PCDHGA4: variants seen among roughly 807,000 people sequenced by gnomAD.
The protein encoded by PCDHGA4 is protocadherin gamma-A4.
Under a neutral mutation model 54.6 loss-of-function variants are expected in PCDHGA4, and 38 were observed. The ratio of observed to expected loss-of-function variants is 0.70; its 90% CI spans 0.54 to 0.91. The LOEUF is 0.91. Among genes scored for constraint, PCDHGA4 ranks in the 40% least tolerant of loss-of-function variants. The pLI, the probability that PCDHGA4 is intolerant of heterozygous loss-of-function variation, is 0.00. For missense variants in PCDHGA4, 1,298 were observed against 1,220.9 expected, an observed-to-expected ratio of 1.06 and a Z score of -0.94; for synonymous variants, 511 against 512.9, an observed-to-expected ratio of 1.00 and a Z score of 0.05.
intron 1 of PCDHGA4, chr5:141,421,935 A>G: frequency 6.2e-7 from 1 of 1,613,514 alleles, no homozygotes; most frequent in East Asian, 2.2e-5. Context: ...TCCTCGATGT[A>G]AATGATCACA....
rs1310725827 is a variant in PCDHGA4, at chr5:141,500,934, T to C, written c.2574-4459T>C. The stretch of plus-strand genomic sequence containing the variant: ...TCCAGGCTGGGGTGCAGTGGCGCCA[T>C]CTCGGCTCACTGCAAGCTCCACCTC... On this transcript the variant is annotated intron_variant, in intron 2 of 3. Transcript: ENST00000571252. 5.9e-5 allele frequency among the ~76,000 whole-genome samples: 9 copies of C among 151,906 alleles called. 1 individual carries two copies. Among genetic ancestry groups the C allele is most frequent in the Non-Finnish European group, 1.3e-4 (9 of 68,020 alleles).
At chr5:141,422,980 C>T in intron 1 of PCDHGA4, 1 of 1,614,232 alleles carries the variant, frequency 6.2e-7, no homozygotes, top group Middle Eastern at 1.7e-4. Flanking sequence ...CTCTGCGGAA[C>T]CTGGCTACCT....
intron 1 of PCDHGA4, among the ~76,000 whole-genome samples, chr5:141,458,876 G>T (rs187470646): frequency 5.0e-4 from 76 of 152,248 alleles, no homozygotes; most frequent in African/African-American, 1.7e-3. Context: ...GGGACTACAG[G>T]CATGCACACC....
At chr5:141,423,707 G>A in intron 1 of PCDHGA4, 1 of 1,164,238 alleles carries the variant, frequency 8.6e-7, no homozygotes, top group Non-Finnish European at 1.1e-6. Flanking sequence ...CTTGGCACAA[G>A]TCTTTTAAGG....
At chr5:141,366,048 C>G (rs777611384) in intron 1 of PCDHGA4, 4 of 1,614,262 alleles carry the variant, frequency 2.5e-6, no homozygotes, top group Middle Eastern at 1.6e-4. Context: ...GACGGTTCCA[C>G]GGGCGTGGAG....
At chr5:141,372,726 C>G (rs748651265) in intron 1 of PCDHGA4, 2 of 1,613,836 alleles carry the variant, frequency 1.2e-6, no homozygotes, top group South Asian at 2.2e-5. Flanking sequence ...TGCTGCACCA[C>G]AAGATCTTCT....
At chr5:141,429,489 A>G (rs2097218567) in intron 1 of PCDHGA4, among the ~76,000 whole-genome samples, 1 of 152,062 alleles carries the variant, frequency 6.6e-6, no homozygotes, top group South Asian at 2.1e-4. Context: ...AGCTGAGACT[A>G]CAGTTGCCTG....
Position 141,431,919 on chromosome 5 carries a change from A to C in PCDHGA4, c.2515-62888A>C, listed in dbSNP as rs2097428718. The C allele has an allele frequency of 7.4e-6, 12 of 1,614,040 alleles. No individual in the cohort carries two copies. Among genetic ancestry groups the C allele is most frequent in the Non-Finnish European group, 1.0e-5 (12 of 1,179,980 alleles). On this transcript the variant is annotated intron_variant, in intron 1 of 3. Transcript: ENST00000571252. This position sits in a 1 kb window ranked among gnomAD's most constrained non-coding sequence, Gnocchi z 4.8. ...AACGGACAGGTGATCTGTTTCATCC[A>C]AGGAAATCTGCCCTTTAAATTAGAA... is the stretch of plus-strand genomic sequence containing the variant.
rs1394652053 is a variant in PCDHGA4, at chr5:141,355,926, C to T, written c.819C>T (p.Phe273=). The T allele has an allele frequency of 3.1e-6, 5 of 1,613,758 alleles. No individual in the cohort carries two copies. Among genetic ancestry groups the T allele is most frequent in the Admixed American group, 1.7e-5 (1 of 59,978 alleles). The change falls in exon 1 of 4, where the codon TTC becomes TTT. Residue 273 remains phenylalanine (F), a synonymous_variant. Coordinates refer to ENST00000571252, the MANE Select transcript of PCDHGA4 (RefSeq NM_018917.4). Reference sequence around the variant, plus strand: ...ATACCAACGATAATGCTCCCGTGTTCACTCAGCCCGAGTACCACGTAAGTG... The same window carrying T: ...ATACCAACGATAATGCTCCCGTGTTTACTCAGCCCGAGTACCACGTAAGTG... The part of the protein sequence containing the change: ...LVDTNDNAPV[F]TQPEYHVSVR...
Position 141,355,386 on chromosome 5 carries a change from CGG to C in PCDHGA4, c.280_281del (p.Gly94SerfsTer8), listed in dbSNP as rs1561508690. Reference sequence around the variant, plus strand: ...TGGCGCCCCGGGAGCTGGCGGAGCGCGGAGTCCGCATCGTCTCCAGAGGTAGG... The same window carrying C: ...TGGCGCCCCGGGAGCTGGCGGAGCGCAGTCCGCATCGTCTCCAGAGGTAGG... ...GLAPRELAER[G>X]VRIVSRGRTQ... On this transcript the variant is annotated frameshift_variant, in exon 1 of 4. Coordinates refer to ENST00000571252, the MANE Select transcript of PCDHGA4 (RefSeq NM_018917.4). LOFTEE classifies it high-confidence loss of function. The C allele has an allele frequency of 6.2e-7, 1 of 1,614,032 alleles. No homozygotes were observed. Among genetic ancestry groups the C allele is most frequent in the East Asian group, 2.2e-5 (1 of 44,880 alleles).
At chr5:141,387,036 C>G (rs1026680473) in intron 1 of PCDHGA4, among the ~76,000 whole-genome samples, 1 of 152,116 alleles carries the variant, frequency 6.6e-6, no homozygotes, top group Non-Finnish European at 1.5e-5. Flanking sequence ...ATTTCATAAC[C>G]AGTAAAATAA....
At chr5:141,420,077 C>A (rs760626443) in intron 1 of PCDHGA4, 1 of 1,613,900 alleles carries the variant, frequency 6.2e-7, no homozygotes, top group Non-Finnish European at 8.5e-7. Context: ...ACCTGTGGGT[C>A]CCCCCAACTA....
chr5:141,364,683 G>A (rs1344688036), intron 1 of PCDHGA4: 6 of 1,613,976 alleles, frequency 3.7e-6, no homozygotes, highest in Non-Finnish European at 5.1e-6. Flanking sequence ...AAAATTTATG[G>A]AGTAGAAGTA....
chr5:141,356,144 A>G lies in PCDHGA4; in HGVS notation c.1037A>G (p.Tyr346Cys). The G allele has an allele frequency of 1.2e-6, 2 of 1,613,620 alleles. No individual in the cohort carries two copies. The highest frequency in any genetic ancestry group is 1.3e-5 in the African/African-American group (1 of 75,054). ...GGLDYEDSGFYDIDVEAHDGP... is the reference protein window; with the variant it reads ...GGLDYEDSGFCDIDVEAHDGP... Reference sequence around the variant, plus strand: ...CTAGATTATGAGGACTCTGGATTCTATGACATAGATGTAGAAGCCCATGAT... The same window carrying G: ...CTAGATTATGAGGACTCTGGATTCTGTGACATAGATGTAGAAGCCCATGAT... The change falls in exon 1 of 4, where the codon TAT becomes TGT. Residue 346 changes from tyrosine to cysteine, a missense_variant. Transcript: ENST00000571252.
At chr5:141,365,940 G>A (rs1433915160) in intron 1 of PCDHGA4, 1 of 1,614,248 alleles carries the variant, frequency 6.2e-7, no homozygotes, top group East Asian at 2.2e-5. Flanking sequence ...GCCAGCGACA[G>A]TGGGAACCCT....
At chr5:141,374,220 G>A (rs775122429) in intron 1 of PCDHGA4, 1 of 1,613,984 alleles carries the variant, frequency 6.2e-7, no homozygotes, top group Non-Finnish European at 8.5e-7. Context: ...TCCTTCGTAG[G>A]CAACATCGTC....
intron 1 of PCDHGA4, chr5:141,364,946 A>G (rs1467919510): frequency 1.2e-6 from 2 of 1,613,848 alleles, no homozygotes; most frequent in East Asian, 4.5e-5. Flanking sequence ...CGAGAAAGAG[A>G]CTGTTCACGA....
intron 1 of PCDHGA4, chr5:141,417,186 C>A (rs2154546857): frequency 6.6e-6 from 1 of 152,258 alleles, no homozygotes; most frequent in Admixed American, 6.5e-5. Context: ...GGAATTATTA[C>A]TTTCTGGGTG....
At position 141,494,824 on chromosome 5, in the gene PCDHGA4, G is replaced by C; in HGVS notation, c.2532G>C (p.Thr844=). 6.2e-7 allele frequency: 1 copy of C among 1,614,042 alleles called. No individual in the cohort carries two copies. Among genetic ancestry groups the C allele is most frequent in the East Asian group, 2.2e-5 (1 of 44,866 alleles). The change falls in exon 2 of 4, where the codon ACG becomes ACC. Residue 844 remains threonine, a synonymous_variant. Transcript: ENST00000571252. The part of the protein sequence containing the change: ...DPNLQQAPPN[T]DWRFSQAQRP... ...CTCCACAGCAAGCCCCGCCCAACAC[G>C]GACTGGCGTTTCTCTCAGGCCCAGA...
Sources: allele counts gnomAD v4.1 joint callset (sites outside exome capture counted in the v4.1 genomes callset), GRCh38; gene constraint gnomAD v4.1.1; non-coding constraint Gnocchi (gnomAD v3.1); transcripts MANE v1.5; gene names NCBI Gene and HGNC (gene_info 2026-07-23, HGNC 2026-07-21).